Variants in POTEJ observed in about 807,000 individuals in gnomAD.
POTEJ encodes POTE ankyrin domain family member J.
POTEJ carries 11 observed loss-of-function variants against 69.0 expected under a neutral mutation model. The observed-to-expected ratio is 0.16, with a 90% confidence interval of 0.10 to 0.26. POTEJ has a LOEUF of 0.26. Among genes scored for constraint, POTEJ ranks in the 10% least tolerant of loss-of-function variants. POTEJ has a pLI of 1.00. For synonymous variants in POTEJ, 117 were observed against 381.1 expected (o/e 0.31, Z 8.07); for missense variants, 327 against 1,045.5 (o/e 0.31, Z 9.48).
chr2:130,618,654 C>T (rs1242213765), intron 3 of POTEJ, among the ~76,000 whole-genome samples: 2 of 144,270 alleles, frequency 1.4e-5, no homozygotes, highest in African/African-American at 5.6e-5. Context: ...GCTTAAGAAC[C>T]ACTCAATACA....
intron 10 of POTEJ, among the ~76,000 whole-genome samples, chr2:130,643,111 C>T (rs1463952181): frequency 1.4e-5 from 2 of 147,250 alleles, no homozygotes; most frequent in East Asian, 1.9e-4. Flanking sequence ...GAATAATGTA[C>T]AGTTTAGGTG....
intron 13 of POTEJ, among the ~76,000 whole-genome samples, chr2:130,649,408 T>A (rs1686718837): frequency 6.6e-6 from 1 of 152,228 alleles, no homozygotes; most frequent in Non-Finnish European, 1.5e-5. Context: ...TCAGTAAATC[T>A]TGTCAGGTCT....
intron 13 of POTEJ, among the ~76,000 whole-genome samples, chr2:130,650,332 T>C (rs1686763578): frequency 6.6e-6 from 1 of 152,274 alleles, no homozygotes. Flanking sequence ...CACATAAAGA[T>C]TTCATTTTCC....
At chr2:130,628,759 C>A (rs1685795624) in intron 6 of POTEJ, among the ~76,000 whole-genome samples, 1 of 149,392 alleles carries the variant, frequency 6.7e-6, no homozygotes, top group South Asian at 2.1e-4. Flanking sequence ...TGGTGGCTCA[C>A]ACCTCTAATC....
At chr2:130,623,133 T>C (rs1292554762) in intron 5 of POTEJ, among the ~76,000 whole-genome samples, 4 of 123,560 alleles carry the variant, frequency 3.2e-5, no homozygotes, top group African/African-American at 1.4e-4. Context: ...TGTTAGTATG[T>C]ATGTCGAAAA....
At chr2:130,624,678 T>G (rs1408824352) in intron 6 of POTEJ, among the ~76,000 whole-genome samples, 1 of 151,802 alleles carries the variant, frequency 6.6e-6, no homozygotes, top group Non-Finnish European at 1.5e-5. Context: ...GGCCTGGGAG[T>G]TGAGGACCCC....
chr2:130,613,313 C>CGT (rs1685297692), intron 1 of POTEJ, among the ~76,000 whole-genome samples: 2 of 76,840 alleles, frequency 2.6e-5, no homozygotes, highest in East Asian at 3.2e-4. Context: ...TGTATATATA[C>CGT]ATATATATAC....
At chr2:130,650,128 G>A (rs1165864964) in intron 13 of POTEJ, among the ~76,000 whole-genome samples, 2 of 152,278 alleles carry the variant, frequency 1.3e-5, no homozygotes, top group Non-Finnish European at 2.9e-5. Context: ...ATTGAGGGAA[G>A]TTTCAATGAA....
intron 10 of POTEJ, among the ~76,000 whole-genome samples, chr2:130,641,479 G>A (rs1450887819): frequency 6.7e-6 from 1 of 148,762 alleles, no homozygotes; most frequent in African/African-American, 2.5e-5. Flanking sequence ...TTTTGTAAAT[G>A]TTTGTGTTCC....
At chr2:130,640,536 G>A (rs1686310394) in intron 10 of POTEJ, among the ~76,000 whole-genome samples, 1 of 152,034 alleles carries the variant, frequency 6.6e-6, no homozygotes, top group South Asian at 2.1e-4. Context: ...TCTTTCAGCT[G>A]TGCTGTTGAC....
At chr2:130,640,724 C>T (rs1318091648) in intron 10 of POTEJ, among the ~76,000 whole-genome samples, 4 of 152,122 alleles carry the variant, frequency 2.6e-5, no homozygotes, top group Admixed American at 2.6e-4. Context: ...GGTCATACCA[C>T]ATGCTCATTC....
At chr2:130,654,687 C>A (rs1686921110) in intron 13 of POTEJ, among the ~76,000 whole-genome samples, 1 of 143,972 alleles carries the variant, frequency 6.9e-6, no homozygotes, top group Admixed American at 6.9e-5. Flanking sequence ...TTACTTGAAT[C>A]ATCCTGGAAC....
chr2:130,618,514 G>C (rs1685445043), intron 3 of POTEJ, among the ~76,000 whole-genome samples: 1 of 148,846 alleles, frequency 6.7e-6, no homozygotes, highest in East Asian at 1.9e-4. Context: ...TGAGGTGGGA[G>C]GATTGCTTGA....
rs1477339867 is a variant in POTEJ at position 130,646,625 on chromosome 2, G to A, written c.1667+315G>A. Among the ~76,000 whole-genome samples the A allele has an allele frequency of 4.8e-5, 7 of 145,502 alleles. No individual in the cohort carries two copies. In the South Asian group the frequency reaches 8.6e-4, roughly 18 times the overall value. On this transcript the variant is annotated intron_variant, in intron 13 of 14. Transcript: ENST00000409602. Reference sequence around the variant, plus strand: ...GTAAACTGTATCATGGAGGCTTGGGGTACAGATTATTTCACCAGCCACATA... The same window carrying A: ...GTAAACTGTATCATGGAGGCTTGGGATACAGATTATTTCACCAGCCACATA...
At chr2:130,642,176 C>G (rs1229435993) in intron 10 of POTEJ, among the ~76,000 whole-genome samples, 2 of 145,242 alleles carry the variant, frequency 1.4e-5, no homozygotes, top group African/African-American at 5.2e-5. Flanking sequence ...TTTAGCAGGA[C>G]ATAATGAAAA....
intron 13 of POTEJ, among the ~76,000 whole-genome samples, chr2:130,649,572 C>G (rs1330762231): frequency 1.3e-5 from 2 of 152,186 alleles, no homozygotes; most frequent in African/African-American, 2.4e-5. Flanking sequence ...GTATTTAAAA[C>G]ATAAGTCAAA....
At chr2:130,641,757 G>T (rs865869143) in intron 10 of POTEJ, among the ~76,000 whole-genome samples, 1 of 152,060 alleles carries the variant, frequency 6.6e-6, no homozygotes, top group Non-Finnish European at 1.5e-5. Flanking sequence ...GATATTTTGA[G>T]TAGGTCATTG....
chr2:130,626,254 G>GA (rs1238665191), intron 6 of POTEJ, among the ~76,000 whole-genome samples: 21 of 150,730 alleles, frequency 1.4e-4, no homozygotes, highest in Non-Finnish European at 2.7e-4. Flanking sequence ...TGAGGAGGGG[G>GA]ATTGGGATAA....
intron 1 of POTEJ, among the ~76,000 whole-genome samples, chr2:130,613,384 G>GTATATATATATA (rs753097212): frequency 8.4e-5 from 7 of 83,556 alleles, no homozygotes; most frequent in African/African-American, 2.8e-4. Context: ...GTGTGTGTGT[G>GTATATATATATA]TATATATATA....
Sources: allele counts gnomAD v4.1 joint callset (sites outside exome capture counted in the v4.1 genomes callset), GRCh38; gene constraint gnomAD v4.1.1; transcripts MANE v1.5; gene names NCBI Gene and HGNC (gene_info 2026-07-23, HGNC 2026-07-21).